DLG1: variants seen among roughly 807,000 people sequenced by gnomAD.
The protein encoded by DLG1 is disks large homolog 1.
Under a neutral mutation model 123.4 loss-of-function variants are expected in DLG1, and 42 were observed. That is an observed-to-expected ratio of 0.34 (90% CI 0.27 to 0.44). The LOEUF (loss-of-function observed/expected upper bound fraction) is 0.44. Among genes scored for constraint, DLG1 ranks in the 20% least tolerant of loss-of-function variants. The pLI, the probability that DLG1 is intolerant of heterozygous loss-of-function variation, is 1.00. For missense variants in DLG1, 942 were observed against 1,082.6 expected (o/e 0.87, Z 1.82); for synonymous variants, 317 against 356.2 (o/e 0.89, Z 1.24).
chr3:197,289,169 A>C (rs1197070343), intron 3 of DLG1, among the ~76,000 whole-genome samples: 1 of 152,270 alleles, frequency 6.6e-6, no homozygotes. Context: ...TGCTGTAATT[A>C]ACAAGAGCTA....
intron 4 of DLG1, among the ~76,000 whole-genome samples, chr3:197,211,888 C>A (rs1219468545): frequency 6.8e-6 from 1 of 146,746 alleles, no homozygotes; most frequent in Non-Finnish European, 1.5e-5. Context: ...GGTACATATA[C>A]ACCATGGGAT....
At chr3:197,069,339 A>AT in intron 18 of DLG1, 79 bp from the exon 19 acceptor site, 1 of 883,000 alleles carries the variant, frequency 1.1e-6, no homozygotes, top group Non-Finnish European at 1.7e-6. Context: ...AAATGTTGAG[A>AT]TATAAGCCAT....
intron 4 of DLG1, among the ~76,000 whole-genome samples, chr3:197,247,066 G>T (rs1226931845): frequency 6.6e-6 from 1 of 152,208 alleles, no homozygotes; most frequent in Non-Finnish European, 1.5e-5. Flanking sequence ...AATGATCTGA[G>T]TTCCTCTTTT....
chr3:197,275,738 G>A (rs191896160), intron 4 of DLG1, among the ~76,000 whole-genome samples: 61 of 152,304 alleles, frequency 4.0e-4, no homozygotes, highest in Non-Finnish European at 7.8e-4. Context: ...CAGAGGCTGA[G>A]AAGGGTACAG....
At chr3:197,061,932 C>A (rs1434530816) in intron 22 of DLG1, among the ~76,000 whole-genome samples, 1 of 151,830 alleles carries the variant, frequency 6.6e-6, no homozygotes, top group Non-Finnish European at 1.5e-5. Context: ...TCCCTTTTTT[C>A]ATCAAATGTT....
chr3:197,051,275 A>G (rs1727472315), intron 24 of DLG1, among the ~76,000 whole-genome samples: 1 of 148,504 alleles, frequency 6.7e-6, no homozygotes, highest in Non-Finnish European at 1.5e-5. Context: ...CGGGAGGCTG[A>G]GGCAGGAGAA....
intron 14 of DLG1, among the ~76,000 whole-genome samples, chr3:197,103,315 T>C (rs1764547913): frequency 6.6e-6 from 1 of 152,146 alleles, no homozygotes; most frequent in Admixed American, 6.5e-5. Flanking sequence ...TCTGTGTGTT[T>C]TGAGGTTAGG....
chr3:197,237,976 C>A (rs1446509634), intron 4 of DLG1, among the ~76,000 whole-genome samples: 2 of 152,172 alleles, frequency 1.3e-5, no homozygotes, highest in African/African-American at 4.8e-5. Flanking sequence ...CATCCAAATC[C>A]ACTGGTAACA....
intron 4 of DLG1, among the ~76,000 whole-genome samples, chr3:197,251,652 A>G (rs1006181708): frequency 3.9e-5 from 6 of 152,196 alleles, no homozygotes; most frequent in Admixed American, 6.5e-5. Context: ...AACCAAAGCT[A>G]AAAAAGACAA....
At chr3:197,158,090 A>G (rs1561114475) in intron 5 of DLG1, among the ~76,000 whole-genome samples, 1 of 152,180 alleles carries the variant, frequency 6.6e-6, no homozygotes, top group Non-Finnish European at 1.5e-5. Context: ...AAACTCGACG[A>G]TAAAACCAAA....
rs984411049 is a variant in DLG1 at position 197,121,801 on chromosome 3, C to T, written c.1166-2271G>A. 3.7e-5 allele frequency among the ~76,000 whole-genome samples: 5 copies of T among 134,224 alleles called. 1 individual carries two copies. The highest frequency in any genetic ancestry group is 1.4e-4 in the African/African-American group (5 of 36,226). The allele number at this position is 134,224 out of a possible 152,430, so 88.1% of individuals were successfully genotyped here. A position where few individuals can be genotyped will look rare whatever the true frequency, so the allele number is the denominator to read the frequency against. ...CTGCCTCTGTGAGAAACATCCCCTCCATCAATGCTTGACAATCACCACAAA... is the reference window on the plus strand; with the variant it reads ...CTGCCTCTGTGAGAAACATCCCCTCTATCAATGCTTGACAATCACCACAAA... On this transcript the variant is annotated intron_variant, in intron 11 of 24. Coordinates refer to ENST00000667157, the MANE Select transcript of DLG1 (RefSeq NM_001366207.1).
chr3:197,253,190 A>G lies in DLG1; in HGVS notation c.318+29489T>C, dbSNP rs147842199. Among the ~76,000 whole-genome samples the G allele has an allele frequency of 6.0e-3, 910 of 152,360 alleles. 3 individuals are homozygous for G. The highest frequency in any genetic ancestry group is 8.4e-3 in the Non-Finnish European group (569 of 68,038). On this transcript the variant is annotated intron_variant, in intron 4 of 24. Transcript: ENST00000667157. The stretch of plus-strand genomic sequence containing the variant: ...ATATCTGACTAAGGACTAGTACACT[A>G]TAATAGATTACATAAAGAATTCTCA...
rs1424890091 is a variant in DLG1 at position 197,297,920 on chromosome 3, C to T, written c.-32+616G>A. The T allele has an allele frequency of 3.0e-6, 3 of 984,190 alleles. No individual in the cohort carries two copies. In the African/African-American group the frequency reaches 5.3e-5, roughly 17 times the overall value. 61.0% of individuals were successfully genotyped at this position (984,190 alleles called of 1,614,324 possible). A position where few individuals can be genotyped will look rare whatever the true frequency, so the allele number is the denominator to read the frequency against. Reference sequence around the variant, plus strand: ...CCCGCCCGGGGCCCGCGGAGCCGAGCGGAGGGGGCGAAGGGACGGGGGAGG... The same window carrying T: ...CCCGCCCGGGGCCCGCGGAGCCGAGTGGAGGGGGCGAAGGGACGGGGGAGG... On this transcript the variant is annotated intron_variant, in intron 1 of 24. Coordinates refer to ENST00000667157, the MANE Select transcript of DLG1 (RefSeq NM_001366207.1).
At chr3:197,155,321 A>T (rs536864983) in intron 5 of DLG1, among the ~76,000 whole-genome samples, 183 of 152,286 alleles carry the variant, frequency 1.2e-3, no homozygotes, top group African/African-American at 4.2e-3. Context: ...TCAACTAAGA[A>T]TCCTATATCC....
intron 5 of DLG1, among the ~76,000 whole-genome samples, chr3:197,188,278 T>C (rs1717277792): frequency 6.6e-6 from 1 of 152,208 alleles, no homozygotes; most frequent in Non-Finnish European, 1.5e-5. Flanking sequence ...TGACTTGGCA[T>C]CTTACACATC....
At chr3:197,105,085 G>T in intron 13 of DLG1, 80 bp from the exon 14 acceptor site, 1 of 871,544 alleles carries the variant, frequency 1.1e-6, no homozygotes, top group Non-Finnish European at 1.8e-6. Flanking sequence ...CTTTGAGTAA[G>T]CATGTATTAA....
At chr3:197,297,881 C>T in intron 1 of DLG1, 12 of 985,270 alleles carry the variant, frequency 1.2e-5, no homozygotes, top group South Asian at 4.7e-5. Flanking sequence ...CGGCCCCGCT[C>T]CACGTACCCC....
Position 197,194,208 on chromosome 3 carries a change from T to G in DLG1, c.483+217A>C, listed in dbSNP as rs571242116. The G allele has an allele frequency of 2.7e-5, 8 of 299,654 alleles. No homozygotes were observed. In the East Asian group the frequency reaches 4.4e-4, roughly 16 times the overall value. The allele number at this position is 299,654 out of a possible 1,614,324, so 18.6% of individuals were successfully genotyped here. A position where few individuals can be genotyped will look rare whatever the true frequency, so the allele number is the denominator to read the frequency against. The stretch of plus-strand genomic sequence containing the variant: ...TCGTGGGAATTTTTAGACTTAAAGA[T>G]AGCATCACTGACTAACATTCATTTA... On this transcript the variant is annotated intron_variant, in intron 5 of 24. Transcript: ENST00000667157.
chr3:197,136,816 T>C, intron 9 of DLG1, 138 bp from the exon 10 acceptor site: 3 of 684,564 alleles, frequency 4.4e-6, no homozygotes, highest in Non-Finnish European at 4.6e-6. Context: ...AGTTATCTAC[T>C]AGTATATGTT....
Sources: allele counts gnomAD v4.1 joint callset (sites outside exome capture counted in the v4.1 genomes callset), GRCh38; gene constraint gnomAD v4.1.1; transcripts MANE v1.5; gene names NCBI Gene and HGNC (gene_info 2026-07-23, HGNC 2026-07-21).